Variants in CHST9 observed in about 807,000 individuals in gnomAD.
The protein encoded by CHST9 is carbohydrate sulfotransferase 9, also known as GalNAc-4-sulfotransferase 2.
CHST9 carries 41 observed loss-of-function variants against 44.4 expected under a neutral mutation model. That is an observed-to-expected ratio of 0.92 (90% CI 0.72 to 1.20). CHST9 has a LOEUF of 1.20. Among genes scored for constraint, CHST9 ranks in the 50% most tolerant of loss-of-function variants. CHST9 has a pLI of 0.00. For missense variants in CHST9, 504 were observed against 516.5 expected, an observed-to-expected ratio of 0.98 and a Z score of 0.23; for synonymous variants, 171 against 178.4, an observed-to-expected ratio of 0.96 and a Z score of 0.33.
intron 2 of CHST9, among the ~76,000 whole-genome samples, chr18:27,066,055 C>T (rs533560508): frequency 7.2e-5 from 11 of 152,234 alleles, no homozygotes; most frequent in South Asian, 4.1e-4. Context: ...GGGCACAGGA[C>T]CTCACAGAGG....
chr18:27,064,281 A>T (rs74628196), intron 2 of CHST9, among the ~76,000 whole-genome samples: 6 of 151,072 alleles, frequency 4.0e-5, no homozygotes, highest in African/African-American at 1.5e-4. Context: ...AAAAAAAAAA[A>T]TCAGCTTGTG....
chr18:27,160,422 G>A (rs1286216005), intron 1 of CHST9, among the ~76,000 whole-genome samples: 1 of 152,130 alleles, frequency 6.6e-6, no homozygotes, highest in African/African-American at 2.4e-5. Context: ...TTATTGATTT[G>A]CGTATGTTGA....
At position 26,986,050 on chromosome 18, in the gene CHST9, A is replaced by G. The variant is rs887898416; in HGVS notation, c.202+38066T>C. Among the ~76,000 whole-genome samples the G allele has an allele frequency of 3.3e-5, 5 of 152,364 alleles. No homozygotes were observed. In the East Asian group the frequency reaches 9.6e-4, roughly 29 times the overall value. ...ACAAAAACATCCAATATAAAACAGG[A>G]TAAAATTAACAAAGTCTGGTATTCA... On this transcript the variant is annotated intron_variant, in intron 4 of 5. Transcript: ENST00000618847.
intron 3 of CHST9, among the ~76,000 whole-genome samples, chr18:27,030,835 T>C (rs116577455): frequency 1.8e-3 from 269 of 152,342 alleles, no homozygotes; most frequent in African/African-American, 6.3e-3. Context: ...AACCCATTCA[T>C]TCAGCTTCTC....
chr18:26,956,146 C>T (rs1469209243), intron 4 of CHST9, among the ~76,000 whole-genome samples: 2 of 150,948 alleles, frequency 1.3e-5, no homozygotes, highest in Non-Finnish European at 3.0e-5. Flanking sequence ...AATACTAAAC[C>T]CTGTCTCTAC....
intron 1 of CHST9, among the ~76,000 whole-genome samples, chr18:27,177,645 T>C (rs1233073024): frequency 6.6e-6 from 1 of 152,096 alleles, no homozygotes; most frequent in African/African-American, 2.4e-5. Context: ...GCTGGGTATA[T>C]TTTTCCTTTT....
chr18:26,908,173 C>G lies in CHST9; in HGVS notation c.*8086G>C, dbSNP rs1568083911. On this transcript the variant is annotated 3_prime_UTR_variant, in exon 6 of 6. Coordinates refer to ENST00000618847, the MANE Select transcript of CHST9 (RefSeq NM_031422.6). Reference sequence around the variant, plus strand: ...GTGGCTCATGCCTGTAATCCCAGCACTTTGGGAGGCTGTGGCGGATGGGTC... The same window carrying G: ...GTGGCTCATGCCTGTAATCCCAGCAGTTTGGGAGGCTGTGGCGGATGGGTC... 6.6e-6 allele frequency: 1 copy of G among 152,506 alleles called. No individual in the cohort carries two copies. The highest frequency in any genetic ancestry group is 1.5e-5 in the Non-Finnish European group (1 of 68,262). 9.4% of individuals were successfully genotyped at this position (152,506 alleles called of 1,614,324 possible). A position where few individuals can be genotyped will look rare whatever the true frequency, so the allele number is the denominator to read the frequency against.
In CHST9 at chr18:27,056,768, A is replaced by T. The variant is rs192137817; in HGVS notation, c.122-8265T>A. Among the ~76,000 whole-genome samples, 523 of 152,258 alleles carry T rather than the reference A, an allele frequency of 3.4e-3. 1 individual carries two copies. Among genetic ancestry groups the T allele is most frequent in the Middle Eastern group, 0.014 (4 of 294 alleles). ...ATCCTTAAGGTCGATGACTTCCATT[A>T]TGAATATTATAAAGTTGAGACTTTG... is the stretch of plus-strand genomic sequence containing the variant. On this transcript the variant is annotated intron_variant, in intron 2 of 5. Coordinates refer to ENST00000618847, the MANE Select transcript of CHST9 (RefSeq NM_031422.6).
intron 4 of CHST9, among the ~76,000 whole-genome samples, chr18:26,950,838 C>T (rs1311034955): frequency 6.6e-6 from 1 of 152,158 alleles, no homozygotes; most frequent in Non-Finnish European, 1.5e-5. Context: ...TCCATGTAAT[C>T]AAGAACCACC....
At chr18:27,015,260 T>C (rs1390780505) in intron 4 of CHST9, among the ~76,000 whole-genome samples, 1 of 152,074 alleles carries the variant, frequency 6.6e-6, no homozygotes, top group Non-Finnish European at 1.5e-5. Context: ...ATTTCTCCAA[T>C]TTTTCAGTGT....
intron 2 of CHST9, among the ~76,000 whole-genome samples, chr18:27,111,208 C>A (rs1402747071): frequency 2.0e-5 from 3 of 152,210 alleles, no homozygotes; most frequent in Non-Finnish European, 4.4e-5. Flanking sequence ...GGACTATTAT[C>A]TGCTGGATCT....
chr18:27,019,712 G>C (rs77534199), intron 4 of CHST9, among the ~76,000 whole-genome samples: 4 of 89,698 alleles, frequency 4.5e-5, no homozygotes, highest in Non-Finnish European at 1.0e-4. Flanking sequence ...AAAAAAAAAA[G>C]AGAGAAAAAC....
At chr18:26,954,311 A>G (rs2056292448) in intron 4 of CHST9, among the ~76,000 whole-genome samples, 2 of 152,194 alleles carry the variant, frequency 1.3e-5, no homozygotes, top group Non-Finnish European at 1.5e-5. Context: ...GGGTAGCAGG[A>G]CAGTGTGTCA....
At chr18:26,942,323 TA>T (rs1317944303) in intron 5 of CHST9, among the ~76,000 whole-genome samples, 1 of 152,156 alleles carries the variant, frequency 6.6e-6, no homozygotes, top group African/African-American at 2.4e-5. Context: ...ACTGTAGGAT[TA>T]GAAATATAAG....
At chr18:27,019,542 A>T (rs2057195286) in intron 4 of CHST9, among the ~76,000 whole-genome samples, 1 of 152,062 alleles carries the variant, frequency 6.6e-6, no homozygotes, top group Admixed American at 6.5e-5. Flanking sequence ...CTAGAGACGT[A>T]AAGGAGTCAG....
intron 2 of CHST9, among the ~76,000 whole-genome samples, chr18:27,090,043 C>T (rs1288945516): frequency 6.6e-6 from 1 of 152,056 alleles, no homozygotes; most frequent in Admixed American, 6.6e-5. Flanking sequence ...AATCTCCTGA[C>T]CTCTTGATCC....
At chr18:27,100,451 A>G (rs2058159980) in intron 2 of CHST9, among the ~76,000 whole-genome samples, 1 of 152,214 alleles carries the variant, frequency 6.6e-6, no homozygotes, top group South Asian at 2.1e-4. Context: ...CTAGCAGTAA[A>G]GAAGGGAGTC....
At chr18:27,131,917 C>T (rs1207193075) in intron 2 of CHST9, among the ~76,000 whole-genome samples, 1 of 152,202 alleles carries the variant, frequency 6.6e-6, no homozygotes, top group Non-Finnish European at 1.5e-5. Flanking sequence ...CATTTTTAAC[C>T]TATAAGCCCT....
chr18:26,994,800 G>A (rs1355468951), intron 4 of CHST9, among the ~76,000 whole-genome samples: 4 of 152,020 alleles, frequency 2.6e-5, no homozygotes, highest in African/African-American at 9.7e-5. Flanking sequence ...CGTTGCCCAG[G>A]CTGGTATCAA....
Sources: allele counts gnomAD v4.1 joint callset (sites outside exome capture counted in the v4.1 genomes callset), GRCh38; gene constraint gnomAD v4.1.1; transcripts MANE v1.5; gene names NCBI Gene and HGNC (gene_info 2026-07-23, HGNC 2026-07-21).